Variants in ERG observed in about 807,000 individuals in gnomAD.
ERG encodes the protein ETS transcription factor ERG.
In ERG, 9 loss-of-function variants were observed where a neutral mutation model predicts 55.3. The observed-to-expected ratio is 0.16, with a 90% CI of 0.10 to 0.28. The LOEUF (loss-of-function observed/expected upper bound fraction) is 0.28, where lower values mean the gene tolerates loss of function less well. Among genes scored for constraint, ERG ranks in the 10% least tolerant of loss-of-function variants. The probability of loss-of-function intolerance (pLI) is 1.00; values close to 1 mark genes in which losing one functional copy is unlikely to be tolerated. For synonymous variants in ERG, 223 were observed against 237.3 expected (o/e 0.94, Z 0.55); for missense variants, 434 against 631.6 (o/e 0.69, Z 3.35).
chr21:38,525,854 G>A (rs1434325322), intron 2 of ERG, among the ~76,000 whole-genome samples: 4 of 152,102 alleles, frequency 2.6e-5, no homozygotes, highest in African/African-American at 7.2e-5. Flanking sequence ...ATGCAGAGAC[G>A]GACTGAAAGC....
chr21:38,572,285 G>A (rs966236480), intron 2 of ERG, among the ~76,000 whole-genome samples: 1 of 150,472 alleles, frequency 6.6e-6, no homozygotes, highest in Non-Finnish European at 1.5e-5. Flanking sequence ...GGAGAATGGC[G>A]GGAACCCAGG....
At chr21:38,629,391 T>C (rs1169094821) in intron 1 of ERG, among the ~76,000 whole-genome samples, 3 of 152,216 alleles carry the variant, frequency 2.0e-5, no homozygotes, top group African/African-American at 7.2e-5. Context: ...TTAGTTAAAA[T>C]CCATTTTAGT....
intron 3 of ERG, among the ~76,000 whole-genome samples, chr21:38,416,960 T>C (rs1407122274): frequency 6.6e-6 from 1 of 152,218 alleles, no homozygotes; most frequent in African/African-American, 2.4e-5. Context: ...TGGGTATAAA[T>C]GAAGCTGTTC....
At chr21:38,371,363 T>C in the ERG span, among the ~76,000 whole-genome samples, 1 of 152,026 alleles carries the variant, frequency 6.6e-6, no homozygotes, top group Non-Finnish European at 1.5e-5. Flanking sequence ...TTCATTCCAA[T>C]ACTTACCATT....
At chr21:38,612,934 T>C (rs529384507) in intron 1 of ERG, among the ~76,000 whole-genome samples, 1 of 152,322 alleles carries the variant, frequency 6.6e-6, no homozygotes, top group Non-Finnish European at 1.5e-5. Flanking sequence ...GTGCTGGGAT[T>C]ACAGGCACAA....
intron 2 of ERG, among the ~76,000 whole-genome samples, chr21:38,567,665 G>T (rs1047494327): frequency 6.6e-6 from 1 of 152,182 alleles, no homozygotes; most frequent in East Asian, 1.9e-4. Flanking sequence ...CTATAAATCA[G>T]ATTTGCAAAC....
intron 1 of ERG, among the ~76,000 whole-genome samples, chr21:38,633,089 C>T (rs915893706): frequency 6.6e-6 from 1 of 152,068 alleles, no homozygotes; most frequent in African/African-American, 2.4e-5. Context: ...CATGAATGAA[C>T]CTTGAGGACA....
At chr21:38,458,805 C>T (rs1267085601) in intron 1 of ERG, among the ~76,000 whole-genome samples, 1 of 152,090 alleles carries the variant, frequency 6.6e-6, no homozygotes, top group Non-Finnish European at 1.5e-5. Context: ...TTAACAGATT[C>T]TCATCTCCTG....
At chr21:38,599,514 T>A (rs2060151714) in intron 1 of ERG, among the ~76,000 whole-genome samples, 2 of 152,202 alleles carry the variant, frequency 1.3e-5, no homozygotes, top group Admixed American at 1.3e-4. Context: ...ATAGCCCTTG[T>A]TGTCCTGTCT....
chr21:38,374,268 C>T, the ERG span, among the ~76,000 whole-genome samples: 1 of 152,238 alleles, frequency 6.6e-6, no homozygotes, highest in Non-Finnish European at 1.5e-5. Flanking sequence ...TTCTGCTTTG[C>T]CAGTCCAGCT....
intron 1 of ERG, among the ~76,000 whole-genome samples, chr21:38,474,846 A>C (rs1344007264): frequency 2.0e-5 from 3 of 152,170 alleles, no homozygotes; most frequent in Non-Finnish European, 4.4e-5. Flanking sequence ...TCTCAGTGAA[A>C]CAGATGAATC....
Position 38,472,710 on chromosome 21 carries a change from C to A in ERG, c.18+25653G>T, listed in dbSNP as rs1601455210. 1.3e-5 allele frequency among the ~76,000 whole-genome samples: 2 copies of A among 152,300 alleles called. 1 individual carries two copies. Among genetic ancestry groups the A allele is most frequent in the Middle Eastern group, 6.8e-3 (2 of 294 alleles). On this transcript the variant is annotated intron_variant, in intron 1 of 9. Coordinates refer to ENST00000288319, the MANE Select transcript of ERG (RefSeq NM_182918.4). ...AAGAAAATGAACGTTTGGAAAAGGG[C>A]ATTCCCAAATCACAGGAGAAGGGGA...
Position 38,383,348 on chromosome 21 carries a change from T to G in ERG, c.*55A>C. On this transcript the variant is annotated 3_prime_UTR_variant, in exon 10 of 10. Transcript: ENST00000288319. This position sits in a 1 kb window ranked among gnomAD's most constrained non-coding sequence, Gnocchi z 5.7. ...TTTTGATTCATGTTCTCCGATAGAG[T>G]TTGTGGCGATGGGCTGGTGAATGCA... The G allele has an allele frequency of 7.0e-7, 1 of 1,430,144 alleles. No individual in the cohort carries two copies. The highest frequency in any genetic ancestry group is 1.9e-5 in the South Asian group (1 of 52,850). 88.6% of individuals were successfully genotyped at this position (1,430,144 alleles called of 1,614,324 possible).
At chr21:38,507,111 C>A (rs2059467941) in intron 2 of ERG, among the ~76,000 whole-genome samples, 1 of 152,214 alleles carries the variant, frequency 6.6e-6, no homozygotes, top group South Asian at 2.1e-4. Context: ...CCCCTGGGCT[C>A]TGCATTGCCA....
At chr21:38,610,364 C>A (rs1192183783) in intron 1 of ERG, among the ~76,000 whole-genome samples, 2 of 152,180 alleles carry the variant, frequency 1.3e-5, no homozygotes, top group African/African-American at 4.8e-5. Flanking sequence ...CACTGCCATG[C>A]GGGCTTCTAT....
chr21:38,445,138 CTTTT>C (rs77891753), intron 2 of ERG, among the ~76,000 whole-genome samples: 190 of 136,660 alleles, frequency 1.4e-3, no homozygotes, highest in African/African-American at 4.6e-3. Flanking sequence ...CTTTCTTCTT[CTTTT>C]TTTTTTTTTT....
intron 2 of ERG, among the ~76,000 whole-genome samples, chr21:38,526,161 C>T (rs892005882): frequency 6.6e-6 from 1 of 152,038 alleles, no homozygotes; most frequent in African/African-American, 2.4e-5. Context: ...GATGCTCTGT[C>T]CTTCTCGGGT....
At chr21:38,495,685 G>C (rs1459800861) in intron 1 of ERG, among the ~76,000 whole-genome samples, 5 of 152,122 alleles carry the variant, frequency 3.3e-5, no homozygotes, top group African/African-American at 1.2e-4. Context: ...GTATTATTCT[G>C]AGAAAGGACT....
Position 38,445,386 on chromosome 21 carries a change from G to T in ERG, c.236+18C>A. 1 of 1,594,398 alleles carries T rather than the reference G, an allele frequency of 6.3e-7. No homozygotes were observed. Among genetic ancestry groups the T allele is most frequent in the Middle Eastern group, 1.7e-4 (1 of 5,880 alleles). ...AAAATGGGAGGTCAGGGAGAGAAAGGGGCGGAAGTCTCCTTACCTTGAGCC... is the reference window on the plus strand; with the variant it reads ...AAAATGGGAGGTCAGGGAGAGAAAGTGGCGGAAGTCTCCTTACCTTGAGCC... On this transcript the variant is annotated intron_variant, in intron 2 of 9. Transcript: ENST00000288319.
Sources: allele counts gnomAD v4.1 joint callset (sites outside exome capture counted in the v4.1 genomes callset), GRCh38; gene constraint gnomAD v4.1.1; non-coding constraint Gnocchi (gnomAD v3.1); transcripts MANE v1.5; gene names NCBI Gene and HGNC (gene_info 2026-07-23, HGNC 2026-07-21).